ABHD2: variants seen among roughly 807,000 people sequenced by gnomAD.
ABHD2 encodes monoacylglycerol lipase ABHD2.
A neutral mutation model predicts 48.1 loss-of-function variants in ABHD2; 20 were observed. The ratio of observed to expected loss-of-function variants is 0.42; its 90% CI spans 0.29 to 0.60. The LOEUF (loss-of-function observed/expected upper bound fraction) is 0.60. Among genes scored for constraint, ABHD2 ranks in the 20% least tolerant of loss-of-function variants. The pLI, the probability that ABHD2 is intolerant of heterozygous loss-of-function variation, is 0.24. For missense variants in ABHD2, 405 were observed against 550.9 expected, an observed-to-expected ratio of 0.74 and a Z score of 2.65; for synonymous variants, 209 against 214.2, an observed-to-expected ratio of 0.98 and a Z score of 0.21.
the ABHD2 span, among the ~76,000 whole-genome samples, chr15:89,055,017 G>A: frequency 6.6e-6 from 1 of 152,116 alleles, no homozygotes; most frequent in South Asian, 2.1e-4. Context: ...CTTGAGGCCC[G>A]GAGTCCAAGA....
intron 5 of ABHD2, among the ~76,000 whole-genome samples, chr15:89,165,206 G>A (rs777090176): frequency 2.1e-4 from 32 of 152,222 alleles, no homozygotes; most frequent in South Asian, 1.2e-3. Flanking sequence ...AAAGCCACTG[G>A]CTTCTATATA....
upstream of ABHD2, among the ~76,000 whole-genome samples, chr15:89,086,032 T>C (rs1333988890): frequency 6.6e-6 from 1 of 152,042 alleles, no homozygotes; most frequent in Non-Finnish European, 1.5e-5. Context: ...TGACAAATCT[T>C]TTTTGTTTTT....
Position 89,189,406 on chromosome 15 carries a change from T to C in ABHD2, c.926+1103T>C, listed in dbSNP as rs974595749. On this transcript the variant is annotated intron_variant, in intron 8 of 10. Transcript: ENST00000352732. This position sits in a 1 kb window ranked among gnomAD's most constrained non-coding sequence, Gnocchi z 4.9. The stretch of plus-strand genomic sequence containing the variant: ...TGCTTAGGAGGCTGAGACAGGAGGA[T>C]CACTTGAGCTCATAAGTTTGAGATT... 6.6e-6 allele frequency among the ~76,000 whole-genome samples: 1 copy of C among 151,806 alleles called. No homozygotes were observed. The highest frequency in any genetic ancestry group is 1.5e-5 in the Non-Finnish European group (1 of 67,986).
At position 89,163,457 on chromosome 15, in the gene ABHD2, A is replaced by G. The variant is rs75201579; in HGVS notation, c.538+7923A>G. On this transcript the variant is annotated intron_variant, in intron 5 of 10. Transcript: ENST00000352732. Reference sequence around the variant, plus strand: ...AGTGCCAGGCATGTGCTTTCACGTTACTTCACTTGATCCTTACTGCCTCAG... The same window carrying G: ...AGTGCCAGGCATGTGCTTTCACGTTGCTTCACTTGATCCTTACTGCCTCAG... Among the ~76,000 whole-genome samples the G allele has an allele frequency of 3.1e-3, 473 of 152,324 alleles. 2 individuals carry two copies. Among genetic ancestry groups the G allele is most frequent in the African/African-American group, 0.011 (448 of 41,572 alleles).
chr15:89,063,872 C>T, the ABHD2 span, among the ~76,000 whole-genome samples: 2 of 152,200 alleles, frequency 1.3e-5, no homozygotes, highest in African/African-American at 4.8e-5. Flanking sequence ...ATGTTTTCAG[C>T]ATGAAACTGT....
rs137970236 is a variant in ABHD2, at chr15:89,148,830, C to T, written c.195-2847C>T. ...CATAGATAGAAAAAGCATATTCCTT[C>T]GTGTACCATTTTAGCAGCATTTCTT... is the stretch of plus-strand genomic sequence containing the variant. On this transcript the variant is annotated intron_variant, in intron 3 of 10. Transcript: ENST00000352732. Among the ~76,000 whole-genome samples, 5 of 152,296 alleles carry T rather than the reference C, an allele frequency of 3.3e-5. No individual in the cohort carries two copies. In the East Asian group the frequency reaches 5.8e-4, roughly 18 times the overall value.
At position 89,102,773 on chromosome 15, in the gene ABHD2, C is replaced by G. The variant is rs1211898407; in HGVS notation, c.-106-10952C>G. 6.6e-6 allele frequency among the ~76,000 whole-genome samples: 1 copy of G among 152,242 alleles called. No individual in the cohort carries two copies. Among genetic ancestry groups the G allele is most frequent in the East Asian group, 1.9e-4 (1 of 5,190 alleles). ...GCTATCTGCTTCATGTGGGGCGCTC[C>G]TGCTCTGCAGTGTAGAGTATTTTTT... On this transcript the variant is annotated intron_variant, in intron 1 of 10. Transcript: ENST00000352732. The surrounding 1 kb of genome is among the most constrained non-coding windows in gnomAD (Gnocchi z 4.8).
intron 3 of ABHD2, among the ~76,000 whole-genome samples, chr15:89,125,929 G>A (rs2050124069): frequency 6.6e-6 from 1 of 152,142 alleles, no homozygotes; most frequent in Admixed American, 6.6e-5. Flanking sequence ...AATTGCCGAA[G>A]CCTGAAAGAT....
chr15:89,070,919 C>T, the ABHD2 span, among the ~76,000 whole-genome samples: 3 of 151,960 alleles, frequency 2.0e-5, no homozygotes, highest in South Asian at 4.2e-4. Flanking sequence ...CTCTGCCGTC[C>T]GGAAGGGCCT....
At chr15:89,049,934 A>C in the ABHD2 span, among the ~76,000 whole-genome samples, 3 of 152,052 alleles carry the variant, frequency 2.0e-5, no homozygotes, top group Non-Finnish European at 4.4e-5. Context: ...TCTCTTTTCT[A>C]TTCCTCCAAA....
chr15:89,148,526 G>A (rs1331978118), intron 3 of ABHD2, among the ~76,000 whole-genome samples: 1 of 152,190 alleles, frequency 6.6e-6, no homozygotes, highest in Non-Finnish European at 1.5e-5. Context: ...ATCTTTTTTA[G>A]AAGGCAACTT....
At chr15:89,165,653 A>G (rs1175111380) in intron 5 of ABHD2, among the ~76,000 whole-genome samples, 1 of 152,182 alleles carries the variant, frequency 6.6e-6, no homozygotes, top group Non-Finnish European at 1.5e-5. Flanking sequence ...CAACCCTGTC[A>G]TGTGGGTGAG....
chr15:89,109,643 T>A (rs917976445), intron 1 of ABHD2, among the ~76,000 whole-genome samples: 3 of 152,094 alleles, frequency 2.0e-5, no homozygotes, highest in African/African-American at 7.2e-5. Context: ...GTTTGCTGTA[T>A]CTAGAACAAG....
chr15:89,112,629 G>A (rs1346886786), intron 1 of ABHD2, among the ~76,000 whole-genome samples: 1 of 152,204 alleles, frequency 6.6e-6, no homozygotes, highest in Non-Finnish European at 1.5e-5. Context: ...TTTTGGTGTG[G>A]TAGAATCAGA....
At chr15:89,095,502 TGAG>T (rs1333815673) in intron 1 of ABHD2, among the ~76,000 whole-genome samples, 1 of 152,212 alleles carries the variant, frequency 6.6e-6, no homozygotes, top group Non-Finnish European at 1.5e-5. Context: ...TCTTAAGGAC[TGAG>T]GAGTGGGAGG....
chr15:89,136,328 C>G, intron 3 of ABHD2: 1 of 482,584 alleles, frequency 2.1e-6, no homozygotes, highest in African/African-American at 2.0e-5. Context: ...ATTTTCCTTT[C>G]TGTTTAGTAG....
intron 3 of ABHD2, among the ~76,000 whole-genome samples, chr15:89,147,796 A>G (rs1402388311): frequency 6.6e-6 from 1 of 151,990 alleles, no homozygotes. Flanking sequence ...ACTATAAAAG[A>G]TATTTTTAAC....
chr15:89,057,605 C>T, the ABHD2 span, among the ~76,000 whole-genome samples: 26,197 of 152,042 alleles, frequency 0.17, 2,412 homozygotes, highest in Admixed American at 0.19. Flanking sequence ...ACGGTGGGGG[C>T]GTGCCTGGTG....
chr15:89,156,412 C>T (rs181598238), intron 5 of ABHD2, among the ~76,000 whole-genome samples: 190 of 152,202 alleles, frequency 1.2e-3, no homozygotes, highest in Non-Finnish European at 1.2e-3. Flanking sequence ...TGAGCCACCG[C>T]GCCCCGCCTT....
Sources: gnomAD v4.1 joint callset for allele counts (sites outside exome capture counted in the v4.1 genomes callset) on GRCh38, gnomAD v4.1.1 for gene constraint, Gnocchi (gnomAD v3.1) non-coding constraint, MANE v1.5 for transcripts, NCBI Gene and HGNC (gene_info 2026-07-23, HGNC 2026-07-21) for gene names.